LRMDA: variants seen among roughly 807,000 people sequenced by gnomAD.
LRMDA encodes the protein leucine-rich melanocyte differentiation-associated protein.
In LRMDA, 18 loss-of-function variants were observed where a neutral mutation model predicts 29.8. The ratio of observed to expected loss-of-function variants is 0.60; its 90% CI spans 0.42 to 0.90. LRMDA has a LOEUF of 0.90. Among genes scored for constraint, LRMDA ranks in the 40% least tolerant of loss-of-function variants. LRMDA has a pLI of 0.00. For synonymous variants in LRMDA, 125 were observed against 109.4 expected, an observed-to-expected ratio of 1.14 and a Z score of -0.89; for missense variants, 273 against 273.9, an observed-to-expected ratio of 1.00 and a Z score of 0.02.
chr10:76,049,396 C>T (rs961169754), intron 4 of LRMDA, among the ~76,000 whole-genome samples: 9 of 152,204 alleles, frequency 5.9e-5, no homozygotes, highest in African/African-American at 2.2e-4. Flanking sequence ...CTGAGAGAAT[C>T]AGGGACTAGG....
At chr10:76,406,313 G>A (rs935150118) in intron 6 of LRMDA, among the ~76,000 whole-genome samples, 6 of 152,202 alleles carry the variant, frequency 3.9e-5, no homozygotes, top group African/African-American at 9.7e-5. Flanking sequence ...CCCACAAACT[G>A]TTAACATATC....
chr10:75,473,540 T>A (rs1257392525), intron 2 of LRMDA, among the ~76,000 whole-genome samples: 1 of 151,984 alleles, frequency 6.6e-6, no homozygotes, highest in Admixed American at 6.6e-5. Flanking sequence ...CATTTGGAGG[T>A]GGAGTTGGTG....
intron 2 of LRMDA, among the ~76,000 whole-genome samples, chr10:75,954,128 G>A (rs1408906704): frequency 6.6e-6 from 1 of 152,242 alleles, no homozygotes; most frequent in Non-Finnish European, 1.5e-5. Context: ...CAGCTGTACA[G>A]CTGCAAGGAA....
At chr10:75,792,673 G>C (rs1250296122) in intron 2 of LRMDA, among the ~76,000 whole-genome samples, 8 of 152,184 alleles carry the variant, frequency 5.3e-5, no homozygotes, top group Non-Finnish European at 1.2e-4. Flanking sequence ...GAGCCCACCA[G>C]CCAGCCTGGG....
At chr10:75,767,447 C>A (rs1356219752) in intron 2 of LRMDA, among the ~76,000 whole-genome samples, 1 of 152,068 alleles carries the variant, frequency 6.6e-6, no homozygotes, top group Non-Finnish European at 1.5e-5. Flanking sequence ...TTTCTAATGC[C>A]TTGTTCCTGC....
intron 2 of LRMDA, among the ~76,000 whole-genome samples, chr10:75,582,026 G>A (rs1306290932): frequency 6.6e-6 from 1 of 152,202 alleles, no homozygotes; most frequent in Non-Finnish European, 1.5e-5. Flanking sequence ...CCAAGGTCTT[G>A]GGCAGTTCTG....
intron 2 of LRMDA, among the ~76,000 whole-genome samples, chr10:75,503,235 A>C (rs1845135070): frequency 6.6e-6 from 1 of 151,548 alleles, no homozygotes; most frequent in Admixed American, 6.6e-5. Flanking sequence ...TGCCTTCTTT[A>C]AAAAATAAGT....
intron 5 of LRMDA, among the ~76,000 whole-genome samples, chr10:76,141,753 C>T (rs1850205301): frequency 2.6e-5 from 4 of 152,146 alleles, no homozygotes; most frequent in Admixed American, 2.6e-4. Flanking sequence ...CTTGGTCCAT[C>T]AGCCCCAAAG....
chr10:76,039,998 G>A (rs746362161), intron 3 of LRMDA, among the ~76,000 whole-genome samples: 1 of 152,110 alleles, frequency 6.6e-6, no homozygotes, highest in Non-Finnish European at 1.5e-5. Flanking sequence ...TTGCCCTAAT[G>A]GCATTCCGTG....
At chr10:75,862,629 CATT>C (rs756183452) in intron 2 of LRMDA, among the ~76,000 whole-genome samples, 1 of 152,298 alleles carries the variant, frequency 6.6e-6, no homozygotes, top group East Asian at 1.9e-4. Context: ...GTGTCACCCT[CATT>C]AGTATTTATG....
At chr10:75,483,448 T>C (rs928440484) in intron 2 of LRMDA, among the ~76,000 whole-genome samples, 1 of 152,186 alleles carries the variant, frequency 6.6e-6, no homozygotes, top group African/African-American at 2.4e-5. Flanking sequence ...GGAAAAGATA[T>C]CTTGTTATAG....
intron 5 of LRMDA, among the ~76,000 whole-genome samples, chr10:76,306,263 T>C (rs961970342): frequency 1.3e-5 from 2 of 152,250 alleles, no homozygotes; most frequent in African/African-American, 4.8e-5. Flanking sequence ...CTTCTTCAGA[T>C]TTTAGCTATC....
intron 2 of LRMDA, among the ~76,000 whole-genome samples, chr10:75,627,751 A>G (rs1017356177): frequency 1.3e-4 from 20 of 152,206 alleles, no homozygotes; most frequent in African/African-American, 4.8e-4. Context: ...GGCACCTGCT[A>G]TGGGCTTGCT....
intron 2 of LRMDA, among the ~76,000 whole-genome samples, chr10:75,482,207 G>A (rs1183463807): frequency 1.3e-5 from 2 of 152,150 alleles, no homozygotes; most frequent in Non-Finnish European, 2.9e-5. Context: ...GAGCATACCA[G>A]TTCTGAGCTA....
chr10:75,787,671 A>T (rs1297425008), intron 2 of LRMDA, among the ~76,000 whole-genome samples: 1 of 152,244 alleles, frequency 6.6e-6, no homozygotes, highest in Admixed American at 6.5e-5. Flanking sequence ...ATTATAACAG[A>T]TACAAGTAAT....
intron 5 of LRMDA, among the ~76,000 whole-genome samples, chr10:76,121,823 T>TC (rs1849794694): frequency 6.6e-6 from 1 of 152,200 alleles, no homozygotes; most frequent in African/African-American, 2.4e-5. Flanking sequence ...AAGCAATTAT[T>TC]CCTCTCCTCC....
rs752703392 is a variant in LRMDA, at chr10:75,714,857, C to CCCTTCCTT, written c.131+276381_131+276388dup. The stretch of plus-strand genomic sequence containing the variant: ...TCTTTCCCTCCCTCCCTCCCTCCCT[C>CCCTTCCTT]CCTTCCTTCCTTCCTTCCTTCCTTC... On this transcript the variant is annotated intron_variant, in intron 2 of 6. Coordinates refer to ENST00000611255, the MANE Select transcript of LRMDA (RefSeq NM_001305581.2). 1.1e-4 allele frequency among the ~76,000 whole-genome samples: 15 copies of CCCTTCCTT among 131,740 alleles called. No individual in the cohort carries two copies. In the East Asian group the frequency reaches 1.8e-3, roughly 16 times the overall value. 86.4% of individuals were successfully genotyped at this position (131,740 alleles called of 152,430 possible). A position where few individuals can be genotyped will look rare whatever the true frequency, so the allele number is the denominator to read the frequency against.
chr10:76,485,683 G>T (rs1413174969), intron 6 of LRMDA, among the ~76,000 whole-genome samples: 4 of 151,652 alleles, frequency 2.6e-5, no homozygotes, highest in African/African-American at 9.7e-5. Context: ...ATTTCTCATA[G>T]AATAAGTTTA....
In LRMDA at chr10:76,469,223, C is replaced by T. The variant is rs535225019; in HGVS notation, c.602-87986C>T. Among the ~76,000 whole-genome samples the T allele has an allele frequency of 2.0e-5, 3 of 152,268 alleles. No individual in the cohort carries two copies. The East Asian group carries it at 5.8e-4, about 29-fold the overall frequency. ...TGGCTAAGAAGGTGGGGCTCCCTTGCCCCTCATCTCCCAATCAAGGGATAT... is the reference window on the plus strand; with the variant it reads ...TGGCTAAGAAGGTGGGGCTCCCTTGTCCCTCATCTCCCAATCAAGGGATAT... On this transcript the variant is annotated intron_variant, in intron 6 of 6. Coordinates refer to ENST00000611255, the MANE Select transcript of LRMDA (RefSeq NM_001305581.2).
Sources: allele counts gnomAD v4.1 joint callset (sites outside exome capture counted in the v4.1 genomes callset), GRCh38; gene constraint gnomAD v4.1.1; transcripts MANE v1.5; gene names NCBI Gene and HGNC (gene_info 2026-07-23, HGNC 2026-07-21).